HS6ST2: variants seen among roughly 807,000 people sequenced by gnomAD.
HS6ST2 encodes the protein heparan-sulfate 6-O-sulfotransferase 2.
HS6ST2 carries 17 observed loss-of-function variants against 33.0 expected under a neutral mutation model. The ratio of observed to expected loss-of-function variants is 0.52; its 90% CI spans 0.35 to 0.77. The LOEUF is 0.77. Ranked by LOEUF, HS6ST2 falls within the 30% of genes least tolerant of loss-of-function variation. HS6ST2 has a pLI of 0.01. For synonymous variants in HS6ST2, 248 were observed against 237.1 expected (o/e 1.05, Z -0.42); for missense variants, 519 against 551.7 (o/e 0.94, Z 0.59).
At chrX:132,790,733 C>T (rs933001047) in intron 2 of HS6ST2, among the ~76,000 whole-genome samples, 13 of 111,974 alleles carry the variant, frequency 1.2e-4, no homozygotes, top group East Asian at 2.8e-4. Flanking sequence ...TAGATACATA[C>T]GTATCTCTAA....
rs1426181883 is a variant in HS6ST2 at position 132,717,832 on chromosome X, T to A, written c.948-9338A>T. 2.7e-5 allele frequency among the ~76,000 whole-genome samples: 3 copies of A among 112,111 alleles called. No individual in the cohort carries two copies. The East Asian group carries it at 8.4e-4, about 31-fold the overall frequency. On this transcript the variant is annotated intron_variant, in intron 2 of 4. Coordinates refer to ENST00000370833, the MANE Select transcript of HS6ST2 (RefSeq NM_001394073.1). ...GTTTTGTGGGCTGCAGACAACTGTCTACATGAAGGTGTAGCACCATTGTGA... is the reference window on the plus strand; with the variant it reads ...GTTTTGTGGGCTGCAGACAACTGTCAACATGAAGGTGTAGCACCATTGTGA...
chrX:132,913,511 G>A (rs2066553848), intron 2 of HS6ST2, among the ~76,000 whole-genome samples: 1 of 112,622 alleles, frequency 8.9e-6, no homozygotes, highest in Non-Finnish European at 1.9e-5. Context: ...GGGGAAGCTG[G>A]TTGCAGCATG....
intron 2 of HS6ST2, among the ~76,000 whole-genome samples, chrX:132,744,224 A>G (rs1243368404): frequency 1.8e-5 from 2 of 111,954 alleles, no homozygotes; most frequent in African/African-American, 6.5e-5. Context: ...TGAAGTACAT[A>G]ATATATTTAC....
At chrX:132,858,971 C>T (rs1005981268) in intron 2 of HS6ST2, among the ~76,000 whole-genome samples, 9 of 112,351 alleles carry the variant, frequency 8.0e-5, no homozygotes, top group Non-Finnish European at 1.5e-4. Flanking sequence ...TTCATTTTCT[C>T]GGCCAGGTGT....
intron 2 of HS6ST2, among the ~76,000 whole-genome samples, chrX:132,899,450 A>G (rs765740647): frequency 7.7e-4 from 86 of 111,778 alleles, no homozygotes; most frequent in African/African-American, 2.8e-3. Flanking sequence ...GGTACAGGAA[A>G]GACTCAAATC....
chrX:132,950,955 T>G (rs1205972981), intron 2 of HS6ST2, among the ~76,000 whole-genome samples: 2 of 111,472 alleles, frequency 1.8e-5, no homozygotes, highest in Non-Finnish European at 3.8e-5. Context: ...TCAGATTAAC[T>G]GGGTCCACAG....
intron 2 of HS6ST2, among the ~76,000 whole-genome samples, chrX:132,953,122 T>C (rs1285905887): frequency 9.0e-6 from 1 of 110,925 alleles, no homozygotes; most frequent in East Asian, 2.8e-4. Context: ...CACACTAGAG[T>C]TGGCTACAAA....
intron 3 of HS6ST2, among the ~76,000 whole-genome samples, chrX:132,694,506 TAA>T (rs2064088894): frequency 9.0e-6 from 1 of 111,588 alleles, no homozygotes; most frequent in South Asian, 3.8e-4. Context: ...TAATAAAATA[TAA>T]AGTCAGAGAT....
chrX:132,788,711 T>C (rs1013837733), intron 2 of HS6ST2, among the ~76,000 whole-genome samples: 1 of 112,754 alleles, frequency 8.9e-6, no homozygotes, highest in Non-Finnish European at 1.9e-5. Flanking sequence ...GGAAGAGTTC[T>C]TGAAGGAAAT....
chrX:132,872,819 G>C (rs112546980), intron 2 of HS6ST2, among the ~76,000 whole-genome samples: 1 of 111,392 alleles, frequency 9.0e-6, no homozygotes, highest in African/African-American at 3.3e-5. Context: ...TTACAACATA[G>C]ACACTTTTAA....
rs186154981 is a variant in HS6ST2 at position 132,690,475 on chromosome X, A to T, written c.980+17987T>A. ...ATCCCAGAGAATGTAGGAATTTTGA[A>T]AAAAGAGTCAACTTTGGTTTGTTCC... On this transcript the variant is annotated intron_variant, in intron 3 of 4. Transcript: ENST00000370833. 5.7e-3 allele frequency among the ~76,000 whole-genome samples: 644 copies of T among 112,276 alleles called. 5 individuals are homozygous for T. The highest frequency in any genetic ancestry group is 0.019 in the African/African-American group (595 of 30,974).
chrX:132,758,503 C>T (rs2064778102), intron 2 of HS6ST2, among the ~76,000 whole-genome samples: 1 of 112,134 alleles, frequency 8.9e-6, no homozygotes, highest in Admixed American at 9.4e-5. Context: ...CTTTTCTGGT[C>T]TTAAAGGCTA....
chrX:132,706,232 A>C (rs1488037085), intron 3 of HS6ST2, among the ~76,000 whole-genome samples: 1 of 112,027 alleles, frequency 8.9e-6, no homozygotes, highest in Non-Finnish European at 1.9e-5. Flanking sequence ...TCTAATGCCA[A>C]TAATTTTAAA....
At chrX:132,935,958 C>T (rs2066818454) in intron 2 of HS6ST2, among the ~76,000 whole-genome samples, 1 of 108,165 alleles carries the variant, frequency 9.2e-6, no homozygotes, top group Non-Finnish European at 1.9e-5. Flanking sequence ...GGGAAGAACA[C>T]ACTAAACATA....
intron 2 of HS6ST2, among the ~76,000 whole-genome samples, chrX:132,739,646 C>G (rs189589115): frequency 3.8e-5 from 4 of 104,825 alleles, no homozygotes; most frequent in Non-Finnish European, 7.8e-5. Flanking sequence ...ACCCAGGGGG[C>G]AGAGGTTGCA....
intron 2 of HS6ST2, among the ~76,000 whole-genome samples, chrX:132,833,807 T>C (rs2065615188): frequency 9.2e-6 from 1 of 109,021 alleles, no homozygotes; most frequent in African/African-American, 3.3e-5. Flanking sequence ...TTAGGGTACA[T>C]GTGCACAATG....
chrX:132,645,289 G>T (rs2063631557), intron 4 of HS6ST2, among the ~76,000 whole-genome samples: 1 of 112,753 alleles, frequency 8.9e-6, no homozygotes, highest in Non-Finnish European at 1.9e-5. Flanking sequence ...GTTCTATGGG[G>T]CAGGAGGCCA....
chrX:132,888,852 T>C (rs1235408868), intron 2 of HS6ST2, among the ~76,000 whole-genome samples: 2 of 110,911 alleles, frequency 1.8e-5, no homozygotes, highest in African/African-American at 6.6e-5. Context: ...ATAGAGCTGA[T>C]GTGTATGTGC....
chrX:132,764,656 C>T (rs1449455563), intron 2 of HS6ST2, among the ~76,000 whole-genome samples: 1 of 111,302 alleles, frequency 9.0e-6, no homozygotes, highest in Non-Finnish European at 1.9e-5. Context: ...TGTTGAGTGC[C>T]CCTGCAAAAA....
Sources: allele counts gnomAD v4.1 joint callset (sites outside exome capture counted in the v4.1 genomes callset), GRCh38; gene constraint gnomAD v4.1.1; transcripts MANE v1.5; gene names NCBI Gene and HGNC (gene_info 2026-07-23, HGNC 2026-07-21).